The following ARL10 variants were observed in gnomAD, a reference collection of about 807,000 sequenced individuals.
ARL10 encodes the protein ARF like GTPase 10, also known as ADP-ribosylation factor-like protein 10.
A neutral mutation model predicts 26.1 loss-of-function variants in ARL10; 23 were observed. The observed-to-expected ratio is 0.88, with a 90% CI of 0.63 to 1.25. The LOEUF is 1.25. Ranked by LOEUF, ARL10 falls within the 50% of genes most tolerant of loss-of-function variation. ARL10 has a pLI of 0.00. For missense variants in ARL10, 300 were observed against 323.6 expected (o/e 0.93, Z 0.56); for synonymous variants, 138 against 149.1 (o/e 0.93, Z 0.54).
downstream of ARL10, chr5:176,389,431 C>A (rs1756171382): frequency 6.2e-7 from 1 of 1,614,090 alleles, no homozygotes; most frequent in Admixed American, 1.7e-5. Flanking sequence ...GGATCGCCGC[C>A]CAGGGTTTCA....
At position 176,373,840 on chromosome 5, in the gene ARL10, C is replaced by A. The variant is rs140464154; in HGVS notation, c.*1945C>A. The A allele has an allele frequency of 2.3e-4, 35 of 152,186 alleles. No individual in the cohort carries two copies. The highest frequency in any genetic ancestry group is 7.7e-4 in the African/African-American group (32 of 41,476). The allele number at this position is 152,186 out of a possible 1,614,324, so 9.4% of individuals were successfully genotyped here. On this transcript the variant is annotated 3_prime_UTR_variant, in exon 4 of 4. Coordinates refer to ENST00000310389, the MANE Select transcript of ARL10 (RefSeq NM_173664.6). ...ACTTTTCTCCTTTGTTCTATGAACT[C>A]CTTGTTCTTCAGGGCTTGAAGGCAA...
downstream of ARL10, chr5:176,384,407 A>G (rs745733344): frequency 1.3e-6 from 2 of 1,586,482 alleles, no homozygotes; most frequent in Admixed American, 1.7e-5. Flanking sequence ...AAGGAGGGCT[A>G]GACAGGCAAA....
chr5:176,383,747 T>C (rs1480290322), downstream of ARL10, among the ~76,000 whole-genome samples: 2 of 152,162 alleles, frequency 1.3e-5, no homozygotes, highest in Non-Finnish European at 2.9e-5. Flanking sequence ...GGCAAGCTTC[T>C]GTAGAGTTGA....
In ARL10 at chr5:176,371,974, G is replaced by A; in HGVS notation, c.*79G>A. On this transcript the variant is annotated 3_prime_UTR_variant, in exon 4 of 4. Transcript: ENST00000310389. ...CTGCTTCATTGCCAGACTGGGCCTG[G>A]GGCAAGAGCCACATGGCAGCATTTC... 1.3e-6 allele frequency: 2 copies of A among 1,530,528 alleles called. No homozygotes were observed. Among genetic ancestry groups the A allele is most frequent in the Middle Eastern group, 1.7e-4 (1 of 5,798 alleles). 94.8% of individuals were successfully genotyped at this position (1,530,528 alleles called of 1,614,324 possible). A position where few individuals can be genotyped will look rare whatever the true frequency, so the allele number is the denominator to read the frequency against.
At chr5:176,404,209 G>A (rs1319133234), downstream of ARL10, among the ~76,000 whole-genome samples, 6 of 152,292 alleles carry the variant, frequency 3.9e-5, no homozygotes, top group African/African-American at 7.2e-5. Context: ...CTTCTGTGAC[G>A]CATAGTTTGT....
downstream of ARL10, chr5:176,389,090 G>T: frequency 2.2e-6 from 3 of 1,363,336 alleles, no homozygotes; most frequent in Non-Finnish European, 3.0e-6. Flanking sequence ...GAGAAGAGAC[G>T]AGGGGGCGGG....
downstream of ARL10, chr5:176,384,072 C>T (rs1207909916): frequency 1.9e-6 from 3 of 1,580,246 alleles, no homozygotes; most frequent in Non-Finnish European, 2.6e-6. Context: ...AGTTCCTTCC[C>T]CAGAGCGGGG....
rs371945626 is a variant in ARL10 at position 176,396,542 on chromosome 5, A to G, written c.134-5199A>G. On this transcript the variant is annotated intron_variant, in intron 1 of 1. Transcript: ENST00000514533. ...TGCTTTGTCAGCGATCCTTGAGGGAAAGGTTGAGGGAAGGGGTTAGGTGGG... is the reference window on the plus strand; with the variant it reads ...TGCTTTGTCAGCGATCCTTGAGGGAGAGGTTGAGGGAAGGGGTTAGGTGGG... The G allele has an allele frequency of 4.3e-5, 70 of 1,611,670 alleles. No homozygotes were observed. The East Asian group carries it at 7.1e-4, about 16-fold the overall frequency.
At chr5:176,410,357 G>A in the ARL10 span, 1 of 1,540,704 alleles carries the variant, frequency 6.5e-7, no homozygotes. Context: ...ATAGCAAGCA[G>A]GAAATGGTCC....
rs1428640159 is a variant in ARL10 at position 176,381,182 on chromosome 5, A to G, written c.*9287A>G. 2 of 152,208 alleles carry G rather than the reference A, an allele frequency of 1.3e-5. No homozygotes were observed. Among genetic ancestry groups the G allele is most frequent in the South Asian group, 2.1e-4 (1 of 4,836 alleles). The allele number at this position is 152,208 out of a possible 1,614,324, so 9.4% of individuals were successfully genotyped here. A position where few individuals can be genotyped will look rare whatever the true frequency, so the allele number is the denominator to read the frequency against. On this transcript the variant is annotated 3_prime_UTR_variant, in exon 4 of 4. Transcript: ENST00000310389. Reference sequence around the variant, plus strand: ...TCTAACTGGATCCATCCAGTTTATTATGGGATGCAGTCCAATCCAGGACCC... The same window carrying G: ...TCTAACTGGATCCATCCAGTTTATTGTGGGATGCAGTCCAATCCAGGACCC...
chr5:176,405,632 A>C (rs1757072368), downstream of ARL10: 1 of 152,234 alleles, frequency 6.6e-6, no homozygotes, highest in Non-Finnish European at 1.5e-5. Context: ...ATGTGCACTG[A>C]CCAAATGAAT....
At chr5:176,385,169 C>A, downstream of ARL10, 1 of 1,018,400 alleles carries the variant, frequency 9.8e-7, no homozygotes, top group Non-Finnish European at 1.6e-6. Context: ...GATCAAGCCG[C>A]GAATGGTCCA....
chr5:176,375,076 T>TCATCCATCCATCCATCCATC lies in ARL10; in HGVS notation c.*3195_*3214dup, dbSNP rs70991542. 6.6e-5 allele frequency: 9 copies of TCATCCATCCATCCATCCATC among 135,778 alleles called. No homozygotes were observed. The highest frequency in any genetic ancestry group is 1.7e-4 in the African/African-American group (6 of 35,344). The allele number at this position is 135,778 out of a possible 1,614,324, so 8.4% of individuals were successfully genotyped here. On this transcript the variant is annotated 3_prime_UTR_variant, in exon 4 of 4. Coordinates refer to ENST00000310389, the MANE Select transcript of ARL10 (RefSeq NM_173664.6). ...GTGTTTTTGTTGAACACAGGTGGCC[T>TCATCCATCCATCCATCCATC]CATCCATCCATCCATCCATCCATCC...
chr5:176,396,687 C>A (rs1472243081), intron 1 of ARL10, among the ~76,000 whole-genome samples: 1 of 152,136 alleles, frequency 6.6e-6, no homozygotes, highest in Non-Finnish European at 1.5e-5. Context: ...TCAGCAACGA[C>A]CCACAGCCCC....
chr5:176,365,824 C>T, intron 1 of ARL10, 78 bp downstream of exon 1: 1 of 1,218,074 alleles, frequency 8.2e-7, no homozygotes, highest in East Asian at 3.2e-5. Context: ...GGGGTGTGAC[C>T]ACGGAACGGC....
chr5:176,371,857 G>A lies in ARL10; in HGVS notation c.697G>A (p.Val233Met), dbSNP rs375030735. ...AGPTFEEPGT[V>M]HIWKLLLELL... The stretch of plus-strand genomic sequence containing the variant: ...ACCCACCTTTGAAGAGCCTGGCACC[G>A]TGCACATCTGGAAACTGCTCTTGGA... The change falls in exon 4 of 4, where the codon GTG (valine) becomes ATG (methionine). Residue 233 changes from valine to methionine, a missense_variant. By Grantham distance (21) the Val-to-Met change is conservative (BLOSUM62 1). Transcript: ENST00000310389. The A allele has an allele frequency of 3.0e-4, 481 of 1,614,144 alleles. 4 individuals carry two copies. The South Asian group carries it at 3.7e-3, about 12-fold the overall frequency.
At chr5:176,392,959 T>C (rs1300998129), downstream of ARL10, 1 of 1,613,866 alleles carries the variant, frequency 6.2e-7, no homozygotes, top group South Asian at 1.1e-5. The surrounding 1 kb of genome is among the most constrained non-coding windows in gnomAD (Gnocchi z 5.2). Flanking sequence ...CGGGTGGAGA[T>C]AGGACGGGCT....
downstream of ARL10, chr5:176,406,009 A>T: frequency 3.1e-6 from 1 of 327,748 alleles, no homozygotes; most frequent in Non-Finnish European, 4.4e-6. Context: ...AGGAGAGCAC[A>T]GTGGTGCTGC....
Position 176,372,305 on chromosome 5 carries a change from C to A in ARL10, c.*410C>A. The A allele has an allele frequency of 5.2e-6, 1 of 192,004 alleles. No homozygotes were observed. Among genetic ancestry groups the A allele is most frequent in the Non-Finnish European group, 1.1e-5 (1 of 94,966 alleles). The allele number at this position is 192,004 out of a possible 1,614,324, so 11.9% of individuals were successfully genotyped here. On this transcript the variant is annotated 3_prime_UTR_variant, in exon 4 of 4. Coordinates refer to ENST00000310389, the MANE Select transcript of ARL10 (RefSeq NM_173664.6). The stretch of plus-strand genomic sequence containing the variant: ...TCCCAGTCCAGAAACAGTCTGGTGA[C>A]GTCATGCCCTTCTCATGTGGGCAGC...
Sources: allele counts gnomAD v4.1 joint callset (sites outside exome capture counted in the v4.1 genomes callset), GRCh38; gene constraint gnomAD v4.1.1; non-coding constraint Gnocchi (gnomAD v3.1); transcripts MANE v1.5; gene names NCBI Gene and HGNC (gene_info 2026-07-23, HGNC 2026-07-21).